The following EXOC6 variants were observed in gnomAD, a reference collection of about 807,000 sequenced individuals.
The protein encoded by EXOC6 is exocyst complex component 6.
EXOC6 carries 60 observed loss-of-function variants against 112.5 expected under a neutral mutation model. The observed-to-expected ratio is 0.53, with a 90% confidence interval of 0.43 to 0.66. The LOEUF is 0.66. EXOC6 is among the 30% of genes least tolerant of loss of function. EXOC6 has a pLI of 0.00. For synonymous variants in EXOC6, 295 were observed against 308.0 expected (o/e 0.96, Z 0.44); for missense variants, 855 against 957.1 (o/e 0.89, Z 1.41).
chr10:92,923,802 G>A (rs1266814832), intron 8 of EXOC6, among the ~76,000 whole-genome samples: 3 of 152,126 alleles, frequency 2.0e-5, no homozygotes, highest in Admixed American at 6.5e-5. Context: ...CATGAGGTGG[G>A]GATCTTTGGA....
At chr10:93,004,516 C>A (rs1197199867) in intron 19 of EXOC6, among the ~76,000 whole-genome samples, 1 of 152,170 alleles carries the variant, frequency 6.6e-6, no homozygotes, top group Non-Finnish European at 1.5e-5. Flanking sequence ...AAATTCTTCA[C>A]ATATTTGATG....
chr10:93,048,401 A>T (rs1425817212), intron 20 of EXOC6, among the ~76,000 whole-genome samples: 1 of 152,170 alleles, frequency 6.6e-6, no homozygotes, highest in African/African-American at 2.4e-5. Context: ...AAAATTGATA[A>T]GAATTTATTA....
chr10:92,861,075 T>C (rs1438008677), intron 1 of EXOC6, among the ~76,000 whole-genome samples: 1 of 152,228 alleles, frequency 6.6e-6, no homozygotes, highest in Non-Finnish European at 1.5e-5. Flanking sequence ...CTCATGAAGC[T>C]ACCAACCTCC....
chr10:93,022,937 G>A lies in EXOC6; in HGVS notation c.2169+8670G>A, dbSNP rs567359546. Among the ~76,000 whole-genome samples the A allele has an allele frequency of 6.6e-5, 10 of 151,338 alleles. No individual in the cohort carries two copies. In the South Asian group the frequency reaches 2.1e-3, roughly 32 times the overall value. On this transcript the variant is annotated intron_variant, in intron 20 of 21. Transcript: ENST00000260762. ...GAAGTAGTATACCACCAAATATAAA[G>A]GGGTTGCTAACACCTTTATTTACAT...
intron 17 of EXOC6, among the ~76,000 whole-genome samples, chr10:92,957,723 A>T (rs1036651270): frequency 6.6e-6 from 1 of 152,158 alleles, no homozygotes; most frequent in Non-Finnish European, 1.5e-5. Context: ...CTTTTGGTCT[A>T]TTTCAAGAGG....
Position 92,896,123 on chromosome 10 carries a change from G to A in EXOC6, c.412+1103G>A, listed in dbSNP as rs1326569444. Reference sequence around the variant, plus strand: ...TGTATATATATGTGTATATATATGTGTGTGTGTGTGTGTGTATGTATGTGT... The same window carrying A: ...TGTATATATATGTGTATATATATGTATGTGTGTGTGTGTGTATGTATGTGT... On this transcript the variant is annotated intron_variant, in intron 4 of 21. Transcript: ENST00000260762. Among the ~76,000 whole-genome samples the A allele has an allele frequency of 8.4e-4, 29 of 34,662 alleles. 1 individual carries two copies. Among genetic ancestry groups the A allele is most frequent in the Non-Finnish European group, 9.6e-4 (21 of 21,888 alleles). The allele number at this position is 34,662 out of a possible 152,430, so 22.7% of individuals were successfully genotyped here.
chr10:92,946,225 G>A (rs980212001), intron 13 of EXOC6, among the ~76,000 whole-genome samples: 20 of 152,160 alleles, frequency 1.3e-4, no homozygotes, highest in Middle Eastern at 6.8e-3. Flanking sequence ...GAACCCGGGA[G>A]GCGGAGCTTG....
chr10:92,951,574 G>A (rs529627497), intron 14 of EXOC6, among the ~76,000 whole-genome samples: 2 of 152,292 alleles, frequency 1.3e-5, no homozygotes, highest in South Asian at 4.1e-4. Context: ...ATATAACAAG[G>A]TTGCAATGAA....
intron 13 of EXOC6, among the ~76,000 whole-genome samples, chr10:92,943,691 T>C (rs1365012052): frequency 6.6e-6 from 1 of 151,056 alleles, no homozygotes; most frequent in East Asian, 1.9e-4. Context: ...AATTAACATA[T>C]CCATCACCTC....
Position 92,970,338 on chromosome 10 carries a change from G to A in EXOC6, c.1774-3715G>A, listed in dbSNP as rs1842246953. On this transcript the variant is annotated intron_variant, in intron 17 of 21. Transcript: ENST00000260762. Reference sequence around the variant, plus strand: ...ATACAGTGTGACAACTATTTACATAGCATTTACATTGTAGTAGGTGTTATA... The same window carrying A: ...ATACAGTGTGACAACTATTTACATAACATTTACATTGTAGTAGGTGTTATA... Among the ~76,000 whole-genome samples the A allele has an allele frequency of 3.3e-5, 5 of 152,274 alleles. No individual in the cohort carries two copies. In the South Asian group the frequency reaches 8.3e-4, roughly 25 times the overall value.
chr10:92,895,464 T>C (rs61862263), intron 4 of EXOC6, among the ~76,000 whole-genome samples: 2,179 of 152,272 alleles, frequency 0.014, 21 homozygotes, highest in Non-Finnish European at 0.017. Context: ...ATTGTGCTGA[T>C]AAGGTAAGAA....
chr10:92,860,294 CAG>C (rs375584857), intron 1 of EXOC6, among the ~76,000 whole-genome samples: 1,063 of 97,414 alleles, frequency 0.011, 35 homozygotes, highest in Admixed American at 0.1. Context: ...TTTTTTGAGA[CAG>C]AGTCTTGTTC....
At chr10:92,850,422 CATTT>C (rs1847268004) in intron 1 of EXOC6, among the ~76,000 whole-genome samples, 3 of 152,302 alleles carry the variant, frequency 2.0e-5, no homozygotes, top group African/African-American at 4.8e-5. Context: ...ATTTGTGTCT[CATTT>C]ATAAGCAGAC....
At chr10:92,933,037 A>G (rs1475587278) in intron 9 of EXOC6, among the ~76,000 whole-genome samples, 1 of 152,184 alleles carries the variant, frequency 6.6e-6, no homozygotes, top group Non-Finnish European at 1.5e-5. Flanking sequence ...TACTGAAGGA[A>G]TAGAAACAGG....
intron 5 of EXOC6, chr10:92,900,425 A>G (rs1019717240): frequency 2.6e-5 from 4 of 152,172 alleles, no homozygotes; most frequent in Non-Finnish European, 5.9e-5. Flanking sequence ...ATACAGACCT[A>G]TAGTAAAAGA....
intron 8 of EXOC6, among the ~76,000 whole-genome samples, chr10:92,923,814 G>C (rs1851569097): frequency 1.3e-5 from 2 of 152,168 alleles, no homozygotes; most frequent in Non-Finnish European, 2.9e-5. Flanking sequence ...ATCTTTGGAG[G>C]CTGTTTTGAA....
At chr10:92,857,056 A>G (rs899772174) in intron 1 of EXOC6, among the ~76,000 whole-genome samples, 1 of 152,034 alleles carries the variant, frequency 6.6e-6, no homozygotes, top group African/African-American at 2.4e-5. Flanking sequence ...TTTTTATCCA[A>G]TTTGAGAACC....
At chr10:92,859,838 T>C (rs958462355) in intron 1 of EXOC6, among the ~76,000 whole-genome samples, 13 of 151,244 alleles carry the variant, frequency 8.6e-5, no homozygotes, top group African/African-American at 1.7e-4. Flanking sequence ...TGTGTGTGTG[T>C]GTGTGTGTGT....
In EXOC6 at chr10:93,058,265, C is replaced by T. The variant is rs375686270; in HGVS notation, c.2325C>T (p.Phe775=). The stretch of plus-strand genomic sequence containing the variant: ...AAAAGAACAATATATTTGCTCAGTT[C>T]AGGAAGAATGATCGAGACAAACAGA... ...TSKKNNIFAQ[F]RKNDRDKQKL... is the part of the protein sequence containing the mutation. Residue 775 remains phenylalanine (F), a synonymous_variant, in exon 22 of 22, where the codon TTC becomes TTT. Transcript: ENST00000260762. The T allele has an allele frequency of 6.2e-7, 1 of 1,610,798 alleles. No individual in the cohort carries two copies. The highest frequency in any genetic ancestry group is 8.5e-7 in the Non-Finnish European group (1 of 1,179,320).
Sources: allele counts gnomAD v4.1 joint callset (sites outside exome capture counted in the v4.1 genomes callset), GRCh38; gene constraint gnomAD v4.1.1; transcripts MANE v1.5; gene names NCBI Gene and HGNC (gene_info 2026-07-23, HGNC 2026-07-21).